OSMR: variants seen among roughly 807,000 people sequenced by gnomAD.
OSMR encodes the protein oncostatin M receptor.
In OSMR, 81 loss-of-function variants were observed where a neutral mutation model predicts 99.9. The ratio of observed to expected loss-of-function variants is 0.81; its 90% CI spans 0.68 to 0.97. The LOEUF is 0.97. Among genes scored for constraint, OSMR ranks in the 50% least tolerant of loss-of-function variants. The pLI is 0.00. For missense variants in OSMR, 1,099 were observed against 1,153.4 expected (o/e 0.95, Z 0.68); for synonymous variants, 406 against 410.4 (o/e 0.99, Z 0.13).
chr5:38,906,943 C>T (rs181281643), intron 9 of OSMR, among the ~76,000 whole-genome samples: 9 of 152,240 alleles, frequency 5.9e-5, no homozygotes, highest in Admixed American at 2.6e-4. Flanking sequence ...TTGTTAATTT[C>T]GTGACAGTTG....
At chr5:38,920,659 C>T (rs1308774370) in intron 11 of OSMR, among the ~76,000 whole-genome samples, 1 of 152,108 alleles carries the variant, frequency 6.6e-6, no homozygotes, top group Non-Finnish European at 1.5e-5. Context: ...GGTTTTCACA[C>T]CAGTATTCAG....
At chr5:38,928,598 C>G (rs1561412757) in intron 15 of OSMR, among the ~76,000 whole-genome samples, 1 of 152,102 alleles carries the variant, frequency 6.6e-6, no homozygotes, top group Non-Finnish European at 1.5e-5. Context: ...TAGCCACCCC[C>G]ATGATTCAAT....
intron 1 of OSMR, among the ~76,000 whole-genome samples, chr5:38,862,120 G>A (rs1359296285): frequency 2.5e-5 from 3 of 119,728 alleles, no homozygotes; most frequent in African/African-American, 6.4e-5. Context: ...CCTCCCTCCC[G>A]GACGGGGCGG....
At chr5:38,925,718 G>A (rs1746445565) in intron 15 of OSMR, among the ~76,000 whole-genome samples, 1 of 152,212 alleles carries the variant, frequency 6.6e-6, no homozygotes, top group African/African-American at 2.4e-5. Context: ...GACATCAGAA[G>A]AGCCACAAGG....
intron 1 of OSMR, chr5:38,942,262 G>A: frequency 1.7e-6 from 2 of 1,177,630 alleles, no homozygotes; most frequent in Non-Finnish European, 2.5e-6. Context: ...CCACAAATAT[G>A]AATATATATA....
At chr5:38,902,911 C>G (rs1579747372) in intron 7 of OSMR, among the ~76,000 whole-genome samples, 1 of 152,112 alleles carries the variant, frequency 6.6e-6, no homozygotes, top group East Asian at 1.9e-4. Flanking sequence ...CGCTTCTTTC[C>G]TCCGCCACAA....
intron 1 of OSMR, among the ~76,000 whole-genome samples, chr5:38,847,665 A>G (rs940672615): frequency 1.4e-5 from 2 of 145,170 alleles, no homozygotes; most frequent in Non-Finnish European, 3.0e-5. Flanking sequence ...AATCTTCAGG[A>G]AATACTCAGT....
intron 1 of OSMR, among the ~76,000 whole-genome samples, chr5:38,862,970 C>T (rs62352598): frequency 0.03 from 4,530 of 152,010 alleles, 105 homozygotes; most frequent in South Asian, 0.057. Flanking sequence ...GAGACCAGCC[C>T]GGCCAACACA....
chr5:38,900,842 G>C (rs1744844453), intron 7 of OSMR, among the ~76,000 whole-genome samples: 1 of 152,180 alleles, frequency 6.6e-6, no homozygotes, highest in South Asian at 2.1e-4. Flanking sequence ...TTTGTTTTCA[G>C]GCATTGGTGT....
At chr5:38,885,987 G>C in intron 6 of OSMR, 52 bp from the exon 7 acceptor site, 6 of 1,604,550 alleles carry the variant, frequency 3.7e-6, no homozygotes, top group Non-Finnish European at 5.1e-6. Context: ...CATTTGCTTT[G>C]ACAAAAGTAA....
In OSMR at chr5:38,933,520, G is replaced by A. The variant is rs1746882323; in HGVS notation, c.*76G>A. The A allele has an allele frequency of 6.5e-7, 1 of 1,528,868 alleles. No individual in the cohort carries two copies. The highest frequency in any genetic ancestry group is 2.2e-5 in the East Asian group (1 of 44,448). 94.7% of individuals were successfully genotyped at this position (1,528,868 alleles called of 1,614,324 possible). A position where few individuals can be genotyped will look rare whatever the true frequency, so the allele number is the denominator to read the frequency against. ...AGCTGGCACCCTGTCATCACCAGTG[G>A]CCTTGGTCCTTAATCCCAGTACGAT... On this transcript the variant is annotated 3_prime_UTR_variant, in exon 18 of 18. Coordinates refer to ENST00000274276, the MANE Select transcript of OSMR (RefSeq NM_003999.3).
At chr5:38,908,301 C>G (rs59538080) in intron 9 of OSMR, among the ~76,000 whole-genome samples, 58,791 of 152,074 alleles carry the variant, frequency 0.39, 11,797 homozygotes, top group African/African-American at 0.46. Context: ...AGTACCAGTG[C>G]CAGCACTGTC....
chr5:38,866,745 C>T (rs1202388313), intron 1 of OSMR, among the ~76,000 whole-genome samples: 1 of 152,166 alleles, frequency 6.6e-6, no homozygotes, highest in African/African-American at 2.4e-5. Context: ...CCCACACACA[C>T]TCCCTCTCTG....
At chr5:38,932,814 G>T in intron 17 of OSMR, 58 bp from the exon 18 acceptor site, 1 of 1,608,548 alleles carries the variant, frequency 6.2e-7, no homozygotes, top group Non-Finnish European at 8.5e-7. Context: ...AATATACTTT[G>T]ATGCATGCAT....
chr5:38,914,402 A>G (rs932157843), intron 9 of OSMR, among the ~76,000 whole-genome samples: 1 of 152,242 alleles, frequency 6.6e-6, no homozygotes, highest in African/African-American at 2.4e-5. Flanking sequence ...AAAAGGGAAC[A>G]CTTATACACT....
intron 4 of OSMR, among the ~76,000 whole-genome samples, chr5:38,882,131 C>T (rs1479081877): frequency 6.6e-6 from 1 of 152,226 alleles, no homozygotes; most frequent in East Asian, 1.9e-4. Context: ...AGGTTGGGAA[C>T]ATTTTTCTGT....
chr5:38,881,484 C>T (rs746464162), intron 3 of OSMR, 109 bp from the exon 4 acceptor site: 47 of 1,600,448 alleles, frequency 2.9e-5, no homozygotes, highest in African/African-American at 8.0e-5. Flanking sequence ...TGGCACATAT[C>T]GTGGACCTGC....
chr5:38,902,088 G>A (rs357266), intron 7 of OSMR, among the ~76,000 whole-genome samples: 4,186 of 152,286 alleles, frequency 0.027, 120 homozygotes, highest in South Asian at 0.085. Context: ...AAACTGGGCT[G>A]TTATATTGTG....
At chr5:38,918,370 T>A (rs1204856879) in intron 10 of OSMR, among the ~76,000 whole-genome samples, 1 of 152,042 alleles carries the variant, frequency 6.6e-6, no homozygotes. Context: ...AAACTGAGGA[T>A]CTTCCAGAGG....
Sources: allele counts gnomAD v4.1 joint callset (sites outside exome capture counted in the v4.1 genomes callset), GRCh38; gene constraint gnomAD v4.1.1; transcripts MANE v1.5; gene names NCBI Gene and HGNC (gene_info 2026-07-23, HGNC 2026-07-21).